The following CASQ2 variants were observed in gnomAD, a reference collection of about 807,000 sequenced individuals.
The protein encoded by CASQ2 is calsequestrin 2.
CASQ2 carries 49 observed loss-of-function variants against 46.5 expected under a neutral mutation model. That is an observed-to-expected ratio of 1.05 (90% confidence interval 0.84 to 1.34). CASQ2 has a LOEUF of 1.34. CASQ2 is among the 40% of genes most tolerant of loss of function. The pLI, the probability that CASQ2 is intolerant of heterozygous loss-of-function variation, is 0.00. For synonymous variants in CASQ2, 174 were observed against 168.5 expected (o/e 1.03, Z -0.25); for missense variants, 486 against 481.3 (o/e 1.01, Z -0.09).
chr1:115,766,863 G>A (rs946588065), intron 1 of CASQ2, among the ~76,000 whole-genome samples: 44 of 139,546 alleles, frequency 3.2e-4, no homozygotes, highest in African/African-American at 1.0e-3. Context: ...GGGAGCTAGA[G>A]ATGATAGATA....
intron 7 of CASQ2, among the ~76,000 whole-genome samples, chr1:115,721,090 C>A (rs1647357216): frequency 6.6e-6 from 1 of 152,200 alleles, no homozygotes; most frequent in South Asian, 2.1e-4. Flanking sequence ...AGCAGGCTTC[C>A]TATTTAAGGT....
chr1:115,756,286 C>T (rs1200146900), intron 1 of CASQ2, among the ~76,000 whole-genome samples: 1 of 152,204 alleles, frequency 6.6e-6, no homozygotes, highest in Non-Finnish European at 1.5e-5. Flanking sequence ...GGCCCCTTTC[C>T]TGCATGGCTG....
intron 6 of CASQ2, among the ~76,000 whole-genome samples, chr1:115,726,185 G>C (rs773840500): frequency 6.6e-6 from 1 of 152,142 alleles, no homozygotes; most frequent in Non-Finnish European, 1.5e-5. Flanking sequence ...GAACACACTC[G>C]TGTACATGCC....
At chr1:115,731,390 C>A (rs1292075678) in intron 5 of CASQ2, among the ~76,000 whole-genome samples, 1 of 152,190 alleles carries the variant, frequency 6.6e-6, no homozygotes, top group African/African-American at 2.4e-5. Flanking sequence ...ACCCAGGAGC[C>A]TCTTTAGCCA....
intron 4 of CASQ2, among the ~76,000 whole-genome samples, chr1:115,735,488 AG>A (rs901524943): frequency 3.7e-4 from 56 of 152,380 alleles, no homozygotes; most frequent in African/African-American, 1.3e-3. Flanking sequence ...GAAAATTGCA[AG>A]GGCTACGTGA....
At chr1:115,738,122 C>A in intron 4 of CASQ2, 102 bp downstream of exon 4, 1 of 789,808 alleles carries the variant, frequency 1.3e-6, no homozygotes, top group Non-Finnish European at 2.3e-6. Context: ...TTCTACCCAG[C>A]AAAAGAGGTG....
chr1:115,740,301 C>T (rs771969892), intron 3 of CASQ2, among the ~76,000 whole-genome samples: 6 of 152,168 alleles, frequency 3.9e-5, no homozygotes, highest in Non-Finnish European at 8.8e-5. Flanking sequence ...GGCTGTTTAG[C>T]TCTGTCACTT....
chr1:115,728,954 C>G (rs1474273820), intron 5 of CASQ2, among the ~76,000 whole-genome samples: 5 of 151,472 alleles, frequency 3.3e-5, no homozygotes, highest in Admixed American at 3.3e-4. Context: ...GTAAAAATTT[C>G]CCAGGGATCT....
intron 1 of CASQ2, among the ~76,000 whole-genome samples, chr1:115,756,361 C>A (rs1361397776): frequency 1.3e-5 from 2 of 152,152 alleles, no homozygotes; most frequent in Non-Finnish European, 2.9e-5. Context: ...AAAAGGGAAG[C>A]CTTAGAGGCT....
chr1:115,743,190 T>C (rs1034254634), intron 2 of CASQ2, among the ~76,000 whole-genome samples: 12 of 147,468 alleles, frequency 8.1e-5, no homozygotes, highest in Non-Finnish European at 1.8e-4. Flanking sequence ...AAGCATTCTT[T>C]ATTTTTGTTT....
chr1:115,708,616 A>T (rs1174624368), intron 8 of CASQ2, among the ~76,000 whole-genome samples: 1 of 152,254 alleles, frequency 6.6e-6, no homozygotes, highest in Non-Finnish European at 1.5e-5. Context: ...GTTGTGAGTT[A>T]AATGAATCAG....
chr1:115,715,917 A>G (rs1654686911), intron 8 of CASQ2, among the ~76,000 whole-genome samples: 1 of 152,214 alleles, frequency 6.6e-6, no homozygotes, highest in Non-Finnish European at 1.5e-5. Flanking sequence ...AGAATCAGCT[A>G]TATATTGATG....
intron 7 of CASQ2, among the ~76,000 whole-genome samples, chr1:115,724,649 A>G (rs1044730923): frequency 1.3e-5 from 2 of 152,210 alleles, no homozygotes; most frequent in Non-Finnish European, 2.9e-5. Context: ...GCTGCCTGAC[A>G]TATTATCCAT....
chr1:115,744,602 C>CTTTTTTTTAAAGA (rs1557799803), intron 2 of CASQ2, among the ~76,000 whole-genome samples: 2 of 152,176 alleles, frequency 1.3e-5, no homozygotes, highest in Non-Finnish European at 2.9e-5. Context: ...CCCTCTTCAT[C>CTTTTTTTTAAAGA]GTACTGATAC....
At chr1:115,725,486 A>G (rs1443690139) in intron 7 of CASQ2, 22 bp downstream of exon 7, 1 of 1,612,900 alleles carries the variant, frequency 6.2e-7, no homozygotes, top group East Asian at 2.2e-5. Context: ...TACAAGGCAA[A>G]GAGAGTTTGC....
intron 1 of CASQ2, among the ~76,000 whole-genome samples, chr1:115,757,347 A>G (rs17034492): frequency 0.046 from 7,036 of 152,256 alleles, 571 homozygotes; most frequent in African/African-American, 0.16. Flanking sequence ...CCTCCTGAGA[A>G]AGTATGGGCT....
chr1:115,733,285 C>T (rs1458345064), intron 4 of CASQ2, among the ~76,000 whole-genome samples: 1 of 152,042 alleles, frequency 6.6e-6, no homozygotes, highest in Non-Finnish European at 1.5e-5. Flanking sequence ...AAACTCCAAA[C>T]CAAAATAAAA....
chr1:115,768,464 G>A lies in CASQ2; in HGVS notation c.78C>T (p.Pro26=), dbSNP rs1649205271. ...SCRAEEGLNF[P]TYDGKDRVVS... The stretch of plus-strand genomic sequence containing the variant: ...CCACTCGGTCCTTCCCATCATATGT[G>A]GGGAAATTAAGCCCCTCTTCTGCCC... The change falls in exon 1 of 11, where the codon CCC becomes CCT. Residue 26 remains proline (P), a synonymous_variant. Transcript: ENST00000261448. 6.2e-7 allele frequency: 1 copy of A among 1,613,508 alleles called. No homozygotes were observed. The highest frequency in any genetic ancestry group is 1.3e-5 in the African/African-American group (1 of 75,000).
At chr1:115,702,828 G>T in intron 10 of CASQ2, 93 bp downstream of exon 10, 1 of 981,212 alleles carries the variant, frequency 1.0e-6, no homozygotes, top group Admixed American at 1.9e-5. Flanking sequence ...TGAAAAGGCT[G>T]GGCTACTATA....
Sources: gnomAD v4.1 joint callset for allele counts (sites outside exome capture counted in the v4.1 genomes callset) on GRCh38, gnomAD v4.1.1 for gene constraint, MANE v1.5 for transcripts, NCBI Gene and HGNC (gene_info 2026-07-23, HGNC 2026-07-21) for gene names.